Variants in ASH2L observed in about 807,000 individuals in gnomAD.
ASH2L encodes set1/Ash2 histone methyltransferase complex subunit ASH2.
Under a neutral mutation model 81.1 loss-of-function variants are expected in ASH2L, and 30 were observed. That is an observed-to-expected ratio of 0.37 (90% CI 0.28 to 0.50). The LOEUF (loss-of-function observed/expected upper bound fraction) is 0.50, where lower values mean the gene tolerates loss of function less well. Among genes scored for constraint, ASH2L ranks in the 20% least tolerant of loss-of-function variants. The probability of loss-of-function intolerance (pLI) is 0.95; values close to 1 mark genes in which losing one functional copy is unlikely to be tolerated. For synonymous variants in ASH2L, 273 were observed against 279.9 expected (o/e 0.98, Z 0.24); for missense variants, 559 against 792.1 (o/e 0.71, Z 3.53).
chr8:38,130,567 C>T (rs1302402970), intron 12 of ASH2L, among the ~76,000 whole-genome samples: 1 of 151,480 alleles, frequency 6.6e-6, no homozygotes, highest in African/African-American at 2.4e-5. Flanking sequence ...ATGGTGTTAG[C>T]TTTTACACAT....
At chr8:38,114,428 G>A in intron 6 of ASH2L, 141 bp downstream of exon 6, 4 of 605,918 alleles carry the variant, frequency 6.6e-6, no homozygotes, top group Non-Finnish European at 1.1e-5. Context: ...ACAGCTAATT[G>A]TGAATTTTAG....
rs192358326 is a variant in ASH2L at position 38,122,031 on chromosome 8, G to T, written c.1165+882G>T. ...TATTGTCTGCAACAATTATGACTGT[G>T]TTGTATGATGATTTTCGATTTCCTC... On this transcript the variant is annotated intron_variant, in intron 10 of 15. Transcript: ENST00000343823. Among the ~76,000 whole-genome samples the T allele has an allele frequency of 2.0e-5, 3 of 152,236 alleles. No homozygotes were observed. The East Asian group carries it at 5.8e-4, about 29-fold the overall frequency.
chr8:38,127,785 T>C (rs374438824), intron 10 of ASH2L, among the ~76,000 whole-genome samples: 3 of 147,538 alleles, frequency 2.0e-5, no homozygotes, highest in Non-Finnish European at 4.5e-5. Context: ...CGGTGGCTCA[T>C]GCCTGTAATT....
chr8:38,126,686 CT>C (rs1378998437), intron 10 of ASH2L, among the ~76,000 whole-genome samples: 1 of 151,314 alleles, frequency 6.6e-6, no homozygotes, highest in Non-Finnish European at 1.5e-5. Context: ...AACCCTGTCT[CT>C]ACTGAAAATA....
intron 10 of ASH2L, among the ~76,000 whole-genome samples, chr8:38,122,911 G>T (rs1399135099): frequency 5.3e-5 from 8 of 150,424 alleles, no homozygotes; most frequent in Non-Finnish European, 1.2e-4. Context: ...ACCTAGCTGG[G>T]TTTTTTAATT....
In ASH2L at chr8:38,134,113, C is replaced by G. The variant is rs563526491; in HGVS notation, c.1620+567C>G. Among the ~76,000 whole-genome samples, 9 of 152,222 alleles carry G rather than the reference C, an allele frequency of 5.9e-5. No individual in the cohort carries two copies. In the East Asian group the frequency reaches 1.7e-3, roughly 29 times the overall value. ...CAAGATGTGCTTTGTTAAACAGATG[C>G]TTGAAGGCAGCATGCTCGTTAAGAG... On this transcript the variant is annotated intron_variant, in intron 13 of 15. Transcript: ENST00000343823.
At chr8:38,128,147 T>TTTAA in intron 10 of ASH2L, 144 bp from the exon 11 acceptor site, 1 of 972,406 alleles carries the variant, frequency 1.0e-6, no homozygotes, top group Non-Finnish European at 1.5e-6. Flanking sequence ...TGCTGAGATT[T>TTTAA]TTAAACTCCT....
In ASH2L at chr8:38,128,961, TCCTCTC is replaced by T. The variant is rs1359527139; in HGVS notation, c.1527+13_1527+18del. ...CACATACAAAGATAAGGTGAGTTTG[TCCTCTC>T]CCGGCAGATTCCTGGCTTTGAAGGC... On this transcript the variant is annotated intron_variant, in intron 12 of 15. Transcript: ENST00000343823. The T allele has an allele frequency of 6.2e-7, 1 of 1,608,746 alleles. No individual in the cohort carries two copies. Among genetic ancestry groups the T allele is most frequent in the South Asian group, 1.1e-5 (1 of 90,066 alleles).
At chr8:38,105,837 A>T in intron 1 of ASH2L, 99 bp downstream of exon 1, 1 of 1,440,158 alleles carries the variant, frequency 6.9e-7, no homozygotes, top group Non-Finnish European at 9.1e-7. Flanking sequence ...CTGCGAACCC[A>T]GGCCCCGCCG....
intron 14 of ASH2L, among the ~76,000 whole-genome samples, chr8:38,137,150 A>G (rs1284980204): frequency 6.6e-6 from 1 of 151,730 alleles, no homozygotes; most frequent in Non-Finnish European, 1.5e-5. Flanking sequence ...CTGTAATCCC[A>G]GCACTTTGGT....
rs1206334303 is a variant in ASH2L, at chr8:38,106,415, A to G, written c.226A>G (p.Thr76Ala). ...GGTCGATGTAAGCGGTGGCTTGGAG[A>G]CAGAATCATCTAATGGAAAAGATAC... ...NLVDVSGGLETESSNGKDTLE... is the reference protein window; with the variant it reads ...NLVDVSGGLEAESSNGKDTLE... The change falls in exon 2 of 16, where the codon ACA becomes GCA. Residue 76 changes from threonine (T) to alanine (A), a missense_variant. Thr to Ala is a moderately conservative substitution (Grantham distance 58). Around this residue, in one of 4 missense-constraint regions of ASH2L, gnomAD observed 145 missense variants for 115.5 expected, o/e 1.26. Coordinates refer to ENST00000343823, the MANE Select transcript of ASH2L (RefSeq NM_004674.5). 6.2e-7 allele frequency: 1 copy of G among 1,614,084 alleles called. No homozygotes were observed. The highest frequency in any genetic ancestry group is 8.5e-7 in the Non-Finnish European group (1 of 1,179,984).
At chr8:38,131,937 C>T (rs1191239842) in intron 12 of ASH2L, among the ~76,000 whole-genome samples, 1 of 151,970 alleles carries the variant, frequency 6.6e-6, no homozygotes, top group Non-Finnish European at 1.5e-5. Context: ...CAGCCTCTGC[C>T]TCCCAGGTTC....
rs1218035517 is a variant in ASH2L, at chr8:38,114,042, CAT to C, written c.586-149_586-148del. 2.2e-5 allele frequency: 12 copies of C among 539,982 alleles called. No homozygotes were observed. In the Middle Eastern group the frequency reaches 1.5e-3, roughly 68 times the overall value. 33.4% of individuals were successfully genotyped at this position (539,982 alleles called of 1,614,324 possible). On this transcript the variant is annotated intron_variant, in intron 5 of 15. Coordinates refer to ENST00000343823, the MANE Select transcript of ASH2L (RefSeq NM_004674.5). The stretch of plus-strand genomic sequence containing the variant: ...AAATATTCAGAGATTAAAAGACAAA[CAT>C]GTAAACCTTGTATAACACCGTGGGG...
At chr8:38,134,033 T>C (rs1054373017) in intron 13 of ASH2L, among the ~76,000 whole-genome samples, 2 of 152,184 alleles carry the variant, frequency 1.3e-5, no homozygotes, top group African/African-American at 4.8e-5. Flanking sequence ...CCCAACCCTG[T>C]GCTCTCTGAA....
In ASH2L at chr8:38,111,778, T is replaced by C. The variant is rs2130485423; in HGVS notation, c.585+945T>C. Among the ~76,000 whole-genome samples the C allele has an allele frequency of 1.3e-5, 2 of 152,338 alleles. 1 individual carries two copies. Among genetic ancestry groups the C allele is most frequent in the Admixed American group, 1.3e-4 (2 of 15,298 alleles). On this transcript the variant is annotated intron_variant, in intron 5 of 15. Transcript: ENST00000343823. ...TCCCTTAAGCTATATGAGGCTACAT[T>C]GTGGGTACACTTTACCCAATATTCT...
chr8:38,116,532 C>T, intron 7 of ASH2L, 118 bp from the exon 8 acceptor site: 1 of 809,180 alleles, frequency 1.2e-6, no homozygotes, highest in Non-Finnish European at 2.0e-6. Context: ...GGCCCCATCT[C>T]AGAAAAAAAA....
At chr8:38,126,412 T>C (rs566026875) in intron 10 of ASH2L, among the ~76,000 whole-genome samples, 1 of 152,254 alleles carries the variant, frequency 6.6e-6, no homozygotes, top group Admixed American at 6.5e-5. Flanking sequence ...ACTTGGATAA[T>C]TGGCTTAATT....
At chr8:38,118,966 G>T in intron 8 of ASH2L, 1 of 251,502 alleles carries the variant, frequency 4.0e-6, no homozygotes, top group Non-Finnish European at 7.7e-6. Context: ...GAATGCATTT[G>T]TGTCACACCC....
intron 14 of ASH2L, 109 bp from the exon 15 acceptor site, chr8:38,138,707 C>A: frequency 1.2e-6 from 1 of 842,574 alleles, no homozygotes; most frequent in South Asian, 1.5e-5. Context: ...TCCATTTATC[C>A]CCCGAGTATT....
Sources: gnomAD v4.1 joint callset for allele counts (sites outside exome capture counted in the v4.1 genomes callset) on GRCh38, gnomAD v4.1.1 for gene constraint, gnomAD v4.1.1 regional missense constraint, MANE v1.5 for transcripts, NCBI Gene and HGNC (gene_info 2026-07-23, HGNC 2026-07-21) for gene names.